CDH23: variants seen among roughly 807,000 people sequenced by gnomAD.
The protein encoded by CDH23 is cadherin-23.
A neutral mutation model predicts 317.1 loss-of-function variants in CDH23; 189 were observed. The observed-to-expected ratio is 0.60, with a 90% confidence interval of 0.53 to 0.67. CDH23 has a LOEUF of 0.67. CDH23 is among the 30% of genes least tolerant of loss of function. CDH23 has a pLI of 0.00. For missense variants in CDH23, 4,401 were observed against 4,592.4 expected (o/e 0.96, Z 1.20); for synonymous variants, 1,839 against 1,876.8 (o/e 0.98, Z 0.52).
intron 9 of CDH23, among the ~76,000 whole-genome samples, chr10:71,588,484 T>C (rs1035420201): frequency 3.9e-5 from 6 of 152,128 alleles, no homozygotes; most frequent in African/African-American, 1.4e-4. Flanking sequence ...TAACACATAG[T>C]AGGCACACTT....
At chr10:71,692,186 AC>A (rs2132709302) in intron 20 of CDH23, among the ~76,000 whole-genome samples, 1 of 152,282 alleles carries the variant, frequency 6.6e-6, no homozygotes, top group East Asian at 1.9e-4. Context: ...AGGTTAAGTA[AC>A]CTGACTGAGG....
Position 71,610,712 on chromosome 10 carries a change from C to T in CDH23, c.833-4792C>T, listed in dbSNP as rs1023546188. ...AATGAAGGCTGCAATCCCCACCCCC[C>T]GACCCCTGCCCAGCAGCCTTTCACA... On this transcript the variant is annotated intron_variant, in intron 9 of 69. Coordinates refer to ENST00000224721, the MANE Select transcript of CDH23 (RefSeq NM_022124.6). Among the ~76,000 whole-genome samples the T allele has an allele frequency of 4.6e-5, 7 of 150,620 alleles. No homozygotes were observed. The East Asian group carries it at 7.8e-4, about 17-fold the overall frequency.
At chr10:71,636,147 G>C (rs1862262370) in intron 11 of CDH23, among the ~76,000 whole-genome samples, 1 of 152,060 alleles carries the variant, frequency 6.6e-6, no homozygotes, top group African/African-American at 2.4e-5. Context: ...GTCACAAGAG[G>C]AGGCGAGGAG....
At chr10:71,480,622 A>G (rs900339940) in intron 3 of CDH23, among the ~76,000 whole-genome samples, 1 of 152,220 alleles carries the variant, frequency 6.6e-6, no homozygotes, top group South Asian at 2.1e-4. Flanking sequence ...AAGATGGAGC[A>G]GGACCTGCTG....
chr10:71,459,303 G>A (rs1361144638), intron 3 of CDH23, among the ~76,000 whole-genome samples: 1 of 151,986 alleles, frequency 6.6e-6, no homozygotes, highest in East Asian at 1.9e-4. Context: ...CTGTGTTGCT[G>A]AGGCTGGTCT....
chr10:71,653,589 G>T (rs532817727), intron 14 of CDH23, among the ~76,000 whole-genome samples: 107 of 152,328 alleles, frequency 7.0e-4, no homozygotes, highest in Middle Eastern at 3.4e-3. Context: ...TGGTCCCTCT[G>T]CCCCCAGCAG....
chr10:71,569,858 G>C (rs1857660726), intron 7 of CDH23, among the ~76,000 whole-genome samples: 1 of 152,038 alleles, frequency 6.6e-6, no homozygotes, highest in Non-Finnish European at 1.5e-5. Flanking sequence ...GTAGAAGATA[G>C]ATTTGGAGTT....
At chr10:71,561,175 C>T (rs1037717702) in intron 6 of CDH23, among the ~76,000 whole-genome samples, 3 of 151,896 alleles carry the variant, frequency 2.0e-5, no homozygotes, top group Non-Finnish European at 2.9e-5. Flanking sequence ...CCCAAGTTTC[C>T]TTTCCTCCCT....
chr10:71,688,596 T>C (rs1368597741), intron 19 of CDH23, among the ~76,000 whole-genome samples: 114 of 62,000 alleles, frequency 1.8e-3, no homozygotes, highest in Middle Eastern at 0.023. Flanking sequence ...GGTGGTGGAG[T>C]CAGGGGTGGT....
intron 11 of CDH23, among the ~76,000 whole-genome samples, chr10:71,629,407 G>A (rs1861899733): frequency 6.6e-6 from 1 of 152,218 alleles, no homozygotes; most frequent in Admixed American, 6.5e-5. Flanking sequence ...TCAGGCAGAG[G>A]GAAGGGCAGG....
Position 71,800,736 on chromosome 10 carries a change from G to A in CDH23, c.7463G>A (p.Arg2488His), listed in dbSNP as rs148149598. 320 of 1,613,864 alleles carry A rather than the reference G, an allele frequency of 2.0e-4. 1 individual carries two copies. In the African/African-American group the frequency reaches 2.7e-3, roughly 14 times the overall value. ...AACCCTGGGGATGTAGCCAGCAACC[G>A]TCGCGAAAATTCAGTGCAGGTGAGG... ...KDNPGDVASN[R>H]RENSVQVVIQ... Residue 2488 changes from arginine to histidine, a missense_variant, in exon 53 of 70, where the codon CGT becomes CAT. Transcript: ENST00000224721.
chr10:71,695,317 C>T (rs539596163), intron 21 of CDH23, 101 bp from the exon 22 acceptor site: 48 of 834,640 alleles, frequency 5.8e-5, no homozygotes, highest in African/African-American at 3.2e-4. Flanking sequence ...AGAATTAATG[C>T]GAAGATTGCC....
chr10:71,717,693 A>G (rs1446607268), intron 28 of CDH23: 1 of 152,250 alleles, frequency 6.6e-6, no homozygotes, highest in African/African-American at 2.4e-5. Context: ...GAGGGGCCTC[A>G]GCCCAGAATG....
intron 1 of CDH23, among the ~76,000 whole-genome samples, chr10:71,407,906 T>C (rs527629697): frequency 1.3e-5 from 2 of 152,324 alleles, no homozygotes; most frequent in South Asian, 4.1e-4. Context: ...AAAAATCCCC[T>C]TCTGACCAAT....
chr10:71,449,328 C>T (rs1245851557), intron 3 of CDH23, among the ~76,000 whole-genome samples: 2 of 152,134 alleles, frequency 1.3e-5, no homozygotes, highest in African/African-American at 4.8e-5. Context: ...AGCTCGAGGC[C>T]TCATTACCTG....
intron 3 of CDH23, among the ~76,000 whole-genome samples, chr10:71,492,265 A>G (rs1258537309): frequency 2.6e-5 from 4 of 152,028 alleles, no homozygotes; most frequent in African/African-American, 9.7e-5. Context: ...GCCCACCCAC[A>G]TTTACCAGTT....
intron 11 of CDH23, among the ~76,000 whole-genome samples, chr10:71,629,762 C>A (rs1009845317): frequency 2.6e-5 from 4 of 152,080 alleles, no homozygotes; most frequent in Non-Finnish European, 5.9e-5. Context: ...TGGGAAACAT[C>A]CAGAAGAGGC....
At chr10:71,583,222 C>T (rs10999899) in intron 9 of CDH23, among the ~76,000 whole-genome samples, 19,780 of 117,054 alleles carry the variant, frequency 0.17, 1,798 homozygotes, top group African/African-American at 0.32. Context: ...TCAGCGTGGC[C>T]GGGCAGAGTG....
At position 71,777,706 on chromosome 10, in the gene CDH23, T is replaced by A. The variant is rs1439933341; in HGVS notation, c.4872T>A (p.Ile1624=). Reference sequence around the variant, plus strand: ...CCACCACGCACGTGTACGTGACCATTGTGGATGAGAATGATAACGCGCCCA... The same window carrying A: ...CCACCACGCACGTGTACGTGACCATAGTGGATGAGAATGATAACGCGCCCA... ...LSATTHVYVT[I]VDENDNAPMF... The change falls in exon 39 of 70, where the codon ATT becomes ATA. Residue 1624 remains isoleucine, a synonymous_variant. Coordinates refer to ENST00000224721, the MANE Select transcript of CDH23 (RefSeq NM_022124.6). 4.3e-6 allele frequency: 7 copies of A among 1,613,030 alleles called. No homozygotes were observed. The highest frequency in any genetic ancestry group is 5.1e-6 in the Non-Finnish European group (6 of 1,179,552).
Sources: gnomAD v4.1 joint callset for allele counts (sites outside exome capture counted in the v4.1 genomes callset) on GRCh38, gnomAD v4.1.1 for gene constraint, MANE v1.5 for transcripts, NCBI Gene and HGNC (gene_info 2026-07-23, HGNC 2026-07-21) for gene names.